Variants in CDH3 observed in about 807,000 individuals in gnomAD.
The protein encoded by CDH3 is cadherin-3.
In CDH3, 54 loss-of-function variants were observed where a neutral mutation model predicts 82.0. The observed-to-expected ratio is 0.66, with a 90% CI of 0.53 to 0.83. CDH3 has a LOEUF of 0.83. Among genes scored for constraint, CDH3 ranks in the 40% least tolerant of loss-of-function variants. The probability of loss-of-function intolerance (pLI) is 0.00; values close to 1 mark genes in which losing one functional copy is unlikely to be tolerated. For synonymous variants in CDH3, 446 were observed against 437.9 expected (o/e 1.02, Z -0.23); for missense variants, 1,054 against 1,084.6 (o/e 0.97, Z 0.40).
downstream of CDH3, among the ~76,000 whole-genome samples, chr16:68,731,369 A>T (rs1412133979): frequency 3.3e-4 from 1 of 3,002 alleles, no homozygotes; most frequent in Non-Finnish European, 5.6e-4. Context: ...ACTCCGTCTC[A>T]AAAAAAAAAA....
intron 2 of CDH3, chr16:68,651,228 G>A: frequency 1.9e-6 from 1 of 529,710 alleles, no homozygotes; most frequent in East Asian, 5.1e-5. Flanking sequence ...GGGACACGGA[G>A]GAGTTGTCAT....
At chr16:68,662,637 C>T (rs1041444113) in intron 2 of CDH3, among the ~76,000 whole-genome samples, 8 of 150,470 alleles carry the variant, frequency 5.3e-5, no homozygotes, top group Non-Finnish European at 1.2e-4. Context: ...GCTCCACCTC[C>T]GGGTTCACAC....
At chr16:68,650,423 G>A (rs1289473588) in intron 2 of CDH3, among the ~76,000 whole-genome samples, 2 of 152,224 alleles carry the variant, frequency 1.3e-5, no homozygotes, top group East Asian at 3.9e-4. Flanking sequence ...TTCTGCTTCA[G>A]CCTCCCAAGT....
intron 15 of CDH3, chr16:68,696,701 T>G (rs1457666312): frequency 3.9e-5 from 6 of 152,800 alleles, no homozygotes; most frequent in Non-Finnish European, 8.8e-5. Context: ...CTGCCAGGTA[T>G]TTATTGAGAG....
At chr16:68,693,550 A>G (rs1045605549) in intron 13 of CDH3, among the ~76,000 whole-genome samples, 1 of 152,206 alleles carries the variant, frequency 6.6e-6, no homozygotes, top group African/African-American at 2.4e-5. Context: ...GAGACTTGCC[A>G]GGCCAGTCCA....
At chr16:68,667,062 C>T (rs1960753014) in intron 2 of CDH3, among the ~76,000 whole-genome samples, 1 of 152,148 alleles carries the variant, frequency 6.6e-6, no homozygotes. Flanking sequence ...CCACCCCTAG[C>T]AATATATAGC....
In CDH3 at chr16:68,698,403, G is replaced by T. The variant is rs372478072; in HGVS notation, c.*3G>T. 513 of 1,613,300 alleles carry T rather than the reference G, an allele frequency of 3.2e-4. No homozygotes were observed. The highest frequency in any genetic ancestry group is 4.3e-4 in the Non-Finnish European group (502 of 1,179,794). ...ACGGTGGCGGGGAGGACGACTAGGC[G>T]GCCTGCCTGCAGGGCTGGGGACCAA... On this transcript the variant is annotated 3_prime_UTR_variant, in exon 16 of 16. Transcript: ENST00000264012.
intron 11 of CDH3, chr16:68,686,259 G>A (rs1715260140): frequency 3.2e-6 from 2 of 634,112 alleles, no homozygotes; most frequent in South Asian, 3.8e-5. Context: ...CGAGCGGCAA[G>A]GGCTGGGGTG....
chr16:68,646,622 T>C (rs1172790958), intron 2 of CDH3, among the ~76,000 whole-genome samples: 2 of 151,880 alleles, frequency 1.3e-5, no homozygotes, highest in African/African-American at 4.8e-5. Flanking sequence ...GAGGGCTTTC[T>C]CCCTCTAGGT....
In CDH3 at chr16:68,687,520, C is replaced by A. The variant is rs762184430; in HGVS notation, c.1579C>A (p.Pro527Thr). ...TGTGTCATTACAAACAGGAAGCCCT[C>A]CCACCACTGGCACGGGAACCCTTCT... ...MVLAMDNGSP[P>T]TTGTGTLLLT... The change falls in exon 12 of 16, where the codon CCC (proline) becomes ACC (threonine). Residue 527 changes from proline to threonine, a missense_variant. By Grantham distance (38) the Pro-to-Thr change is conservative. Transcript: ENST00000264012. The A allele has an allele frequency of 1.2e-6, 2 of 1,613,976 alleles. No individual in the cohort carries two copies. Among genetic ancestry groups the A allele is most frequent in the Non-Finnish European group, 1.7e-6 (2 of 1,179,908 alleles).
chr16:68,727,206 C>G (rs941832944), exon 3 of CDH3, among the ~76,000 whole-genome samples: 1 of 152,162 alleles, frequency 6.6e-6, no homozygotes, highest in Non-Finnish European at 1.5e-5. Flanking sequence ...GGTCTCTCGC[C>G]TTTTGACTCT....
chr16:68,679,034 T>C (rs1961126518), intron 6 of CDH3, 128 bp downstream of exon 6: 3 of 926,374 alleles, frequency 3.2e-6, no homozygotes, highest in African/African-American at 3.3e-5. Context: ...AATCCAGATT[T>C]CCCCCCTTCC....
chr16:68,705,831 C>G (rs556374289), intron 1 of CDH3, among the ~76,000 whole-genome samples: 220 of 151,416 alleles, frequency 1.5e-3, no homozygotes, highest in Middle Eastern at 3.4e-3. Flanking sequence ...TTTGGGAGGC[C>G]AAGGCAGGTG....
chr16:68,727,400 A>G (rs969701923), exon 3 of CDH3, among the ~76,000 whole-genome samples: 1 of 152,128 alleles, frequency 6.6e-6, no homozygotes, highest in Admixed American at 6.6e-5. Context: ...CTCTCTCTGT[A>G]TATATCCTAT....
At chr16:68,666,168 G>T (rs1960728523) in intron 2 of CDH3, among the ~76,000 whole-genome samples, 1 of 151,538 alleles carries the variant, frequency 6.6e-6, no homozygotes, top group Admixed American at 6.6e-5. Flanking sequence ...TTCCTCTTCT[G>T]CTTGGCTGGG....
At chr16:68,651,282 C>T (rs1960234651) in intron 2 of CDH3, 1 of 546,246 alleles carries the variant, frequency 1.8e-6, no homozygotes, top group East Asian at 5.0e-5. Context: ...GCAGCTGGGT[C>T]CAGGGAGCCG....
At chr16:68,676,504 AAG>A in intron 3 of CDH3, 34 bp downstream of exon 3, 1 of 1,540,032 alleles carries the variant, frequency 6.5e-7, no homozygotes, top group Non-Finnish European at 9.0e-7. Context: ...GGACAAAAGA[AAG>A]ATGTTCTCTG....
chr16:68,670,542 G>A (rs1367621062), intron 2 of CDH3, among the ~76,000 whole-genome samples: 1 of 152,088 alleles, frequency 6.6e-6, no homozygotes, highest in Non-Finnish European at 1.5e-5. Flanking sequence ...CTGTAACCTC[G>A]ACCTCCTGGG....
chr16:68,670,541 C>T (rs946018483), intron 2 of CDH3, among the ~76,000 whole-genome samples: 5 of 152,152 alleles, frequency 3.3e-5, no homozygotes, highest in South Asian at 2.1e-4. Flanking sequence ...CCTGTAACCT[C>T]GACCTCCTGG....
Sources: allele counts gnomAD v4.1 joint callset (sites outside exome capture counted in the v4.1 genomes callset), GRCh38; gene constraint gnomAD v4.1.1; transcripts MANE v1.5; gene names NCBI Gene and HGNC (gene_info 2026-07-23, HGNC 2026-07-21).